AFF3: variants seen among roughly 807,000 people sequenced by gnomAD.
AFF3 encodes the protein ALF transcription elongation factor 3.
A neutral mutation model predicts 129.7 loss-of-function variants in AFF3; 32 were observed. The ratio of observed to expected loss-of-function variants is 0.25; its 90% CI spans 0.19 to 0.33. AFF3 has a LOEUF of 0.33. Ranked by LOEUF, AFF3 falls within the 10% of genes least tolerant of loss-of-function variation. The pLI, the probability that AFF3 is intolerant of heterozygous loss-of-function variation, is 1.00. For missense variants in AFF3, 1,373 were observed against 1,592.0 expected (o/e 0.86, Z 2.34); for synonymous variants, 644 against 635.4 (o/e 1.01, Z -0.20).
chr2:99,648,939 C>CTCTCTCTCTCTCTCTCTCTCTCTCA, intron 13 of AFF3, among the ~76,000 whole-genome samples: 1 of 37,528 alleles, frequency 2.7e-5, no homozygotes, highest in African/African-American at 7.4e-5. Flanking sequence ...TCTCTCTCTC[C>CTCTCTCTCTCTCTCTCTCTCTCTCA]AATCTTAGTA....
intron 13 of AFF3, among the ~76,000 whole-genome samples, chr2:99,641,679 A>G (rs958211186): frequency 6.6e-6 from 1 of 152,210 alleles, no homozygotes; most frequent in Non-Finnish European, 1.5e-5. Flanking sequence ...CTCTGTCTCA[A>G]AACAAAAACA....
chr2:99,894,713 G>C (rs974537569), intron 7 of AFF3, among the ~76,000 whole-genome samples: 3 of 151,864 alleles, frequency 2.0e-5, no homozygotes, highest in African/African-American at 7.3e-5. Flanking sequence ...CTGACCTCGT[G>C]ATCCGCCTAC....
intron 8 of AFF3, among the ~76,000 whole-genome samples, chr2:99,785,754 T>A (rs1050386944): frequency 7.2e-5 from 11 of 152,290 alleles, no homozygotes; most frequent in East Asian, 1.9e-4. Flanking sequence ...GTGATTTTTT[T>A]ATTTTTATTT....
intron 8 of AFF3, among the ~76,000 whole-genome samples, chr2:99,830,171 T>C (rs1238915559): frequency 6.6e-6 from 1 of 152,086 alleles, no homozygotes. Flanking sequence ...ACCTAGTGCA[T>C]GCAGGGCTCA....
At chr2:99,834,973 G>C (rs1030577297) in intron 8 of AFF3, among the ~76,000 whole-genome samples, 3 of 152,064 alleles carry the variant, frequency 2.0e-5, no homozygotes, top group Admixed American at 6.5e-5. Flanking sequence ...CCAATATGTT[G>C]TTCTATGTTC....
At chr2:99,706,306 CT>C (rs1677377005) in intron 11 of AFF3, among the ~76,000 whole-genome samples, 1 of 152,232 alleles carries the variant, frequency 6.6e-6, no homozygotes, top group African/African-American at 2.4e-5. Flanking sequence ...GGATAGGATA[CT>C]TGACTTTACC....
At chr2:99,575,750 C>A (rs1266953171) in intron 18 of AFF3, among the ~76,000 whole-genome samples, 1 of 152,116 alleles carries the variant, frequency 6.6e-6, no homozygotes, top group Non-Finnish European at 1.5e-5. Context: ...TCTATTATAT[C>A]TATATCCATA....
chr2:99,565,798 A>G (rs1175360708), intron 19 of AFF3, among the ~76,000 whole-genome samples, 175 bp from the exon 20 acceptor site: 5 of 152,226 alleles, frequency 3.3e-5, no homozygotes, highest in Non-Finnish European at 7.3e-5. Context: ...TCAAACTGCT[A>G]CTGGCTTGGA....
chr2:99,946,405 T>TG (rs1675566781), intron 7 of AFF3, among the ~76,000 whole-genome samples: 2 of 127,564 alleles, frequency 1.6e-5, no homozygotes, highest in South Asian at 5.2e-4. Flanking sequence ...ACCTGGGAGG[T>TG]GGGGGTTGCA....
intron 1 of AFF3, among the ~76,000 whole-genome samples, chr2:100,131,730 G>C (rs1471180125): frequency 6.6e-6 from 1 of 152,198 alleles, no homozygotes; most frequent in Non-Finnish European, 1.5e-5. Context: ...AAAGTGCTGG[G>C]ATTACAGGCG....
intron 4 of AFF3, among the ~76,000 whole-genome samples, chr2:100,011,269 C>G (rs538786410): frequency 5.9e-5 from 9 of 152,156 alleles, no homozygotes; most frequent in South Asian, 4.1e-4. Flanking sequence ...GCGAGACTCC[C>G]TCTCAAAAGA....
At chr2:99,684,034 G>A (rs1674791111) in intron 11 of AFF3, among the ~76,000 whole-genome samples, 1 of 152,074 alleles carries the variant, frequency 6.6e-6, no homozygotes, top group East Asian at 1.9e-4. Context: ...GTCACGTGTG[G>A]GACACAGTCC....
intron 7 of AFF3, among the ~76,000 whole-genome samples, chr2:99,918,213 T>C (rs553065054): frequency 1.1e-4 from 17 of 152,304 alleles, no homozygotes; most frequent in African/African-American, 4.1e-4. Context: ...CTTCTGATTA[T>C]AAGAATGGTA....
chr2:100,106,866 GA>G (rs1559130173), intron 2 of AFF3: 29 of 985,464 alleles, frequency 2.9e-5, no homozygotes, highest in Non-Finnish European at 3.4e-5. Context: ...GATGATCCCA[GA>G]AAAGGAAAGA....
chr2:99,751,953 T>C (rs1395402985), intron 9 of AFF3, among the ~76,000 whole-genome samples: 2 of 152,220 alleles, frequency 1.3e-5, no homozygotes, highest in Non-Finnish European at 2.9e-5. Flanking sequence ...ATAAGATGCA[T>C]TTCAACTTCA....
At chr2:99,560,865 CTCTT>C (rs1436149368) in intron 20 of AFF3, among the ~76,000 whole-genome samples, 1 of 152,176 alleles carries the variant, frequency 6.6e-6, no homozygotes, top group Non-Finnish European at 1.5e-5. Flanking sequence ...AGATTTACCC[CTCTT>C]TCTTTGTTAT....
Position 100,104,416 on chromosome 2 carries a change from G to C in AFF3, c.39C>G (p.Asp13Glu). 1 of 1,283,574 alleles carries C rather than the reference G, an allele frequency of 7.8e-7. No homozygotes were observed. Among genetic ancestry groups the C allele is most frequent in the Non-Finnish European group, 1.0e-6 (1 of 989,926 alleles). 79.5% of individuals were successfully genotyped at this position (1,283,574 alleles called of 1,614,324 possible). The change falls in exon 4 of 25, where the codon GAC becomes GAG. Residue 13 changes from aspartate to glutamate, a missense_variant. Transcript: ENST00000672756. ...CGGGGACTTACCACAGTGACTCGAG[G>C]TCCCATTCCTGGAGCAGGGCTAAGT... ...SFDLALLQEW[D>E]LESLCVYEPD...
intron 4 of AFF3, among the ~76,000 whole-genome samples, chr2:100,077,305 C>T (rs1253969443): frequency 6.6e-6 from 1 of 152,118 alleles, no homozygotes; most frequent in Non-Finnish European, 1.5e-5. Context: ...CCAAGGTAGT[C>T]GCTAAGGCCC....
At chr2:99,554,771 G>C (rs773104752) in intron 22 of AFF3, 39 bp from the exon 23 acceptor site, 1 of 1,611,896 alleles carries the variant, frequency 6.2e-7, no homozygotes. Flanking sequence ...AGTGCCATCT[G>C]CGTGAGGTGA....
Sources: allele counts gnomAD v4.1 joint callset (sites outside exome capture counted in the v4.1 genomes callset), GRCh38; gene constraint gnomAD v4.1.1; transcripts MANE v1.5; gene names NCBI Gene and HGNC (gene_info 2026-07-23, HGNC 2026-07-21).